Variants in FUT8 observed in about 807,000 individuals in gnomAD.
FUT8 encodes the protein alpha-(1,6)-fucosyltransferase.
Under a neutral mutation model 71.3 loss-of-function variants are expected in FUT8, and 29 were observed. The observed-to-expected ratio is 0.41, with a 90% CI of 0.30 to 0.55. The LOEUF (loss-of-function observed/expected upper bound fraction) is 0.55. Ranked by LOEUF, FUT8 falls within the 20% of genes least tolerant of loss-of-function variation. The pLI, the probability that FUT8 is intolerant of heterozygous loss-of-function variation, is 0.34. For synonymous variants in FUT8, 254 were observed against 239.3 expected (o/e 1.06, Z -0.57); for missense variants, 544 against 702.1 (o/e 0.77, Z 2.55).
At chr14:65,418,568 G>C (rs1431901441) in intron 1 of FUT8, among the ~76,000 whole-genome samples, 5 of 152,200 alleles carry the variant, frequency 3.3e-5, no homozygotes, top group African/African-American at 1.2e-4. Context: ...AAAGTGGACA[G>C]ATATAATTTA....
intron 10 of FUT8, 30 bp from the exon 11 acceptor site, chr14:65,742,063 C>G: frequency 6.3e-7 from 1 of 1,583,030 alleles, no homozygotes; most frequent in Non-Finnish European, 8.6e-7. Flanking sequence ...TGTTTATATA[C>G]TAACAATTTC....
chr14:65,391,900 G>C, the FUT8 span, among the ~76,000 whole-genome samples: 7 of 152,234 alleles, frequency 4.6e-5, no homozygotes, highest in Admixed American at 6.5e-5. Context: ...GGAATTACAG[G>C]TGTGAGACAC....
At chr14:65,450,686 AT>A (rs1436968691) in intron 1 of FUT8, among the ~76,000 whole-genome samples, 1 of 151,892 alleles carries the variant, frequency 6.6e-6, no homozygotes, top group East Asian at 1.9e-4. Context: ...GGTTTTTATT[AT>A]TGCTGATTAC....
At chr14:65,402,170 T>A in the FUT8 span, among the ~76,000 whole-genome samples, 3 of 149,666 alleles carry the variant, frequency 2.0e-5, no homozygotes, top group South Asian at 6.4e-4. Flanking sequence ...GATATGTGAG[T>A]GTAGGAGCCC....
At chr14:65,443,801 TTGAC>T (rs151265704) in intron 1 of FUT8, among the ~76,000 whole-genome samples, 2,038 of 152,156 alleles carry the variant, frequency 0.013, 42 homozygotes, top group East Asian at 0.093. Context: ...TCAGAGTCAT[TTGAC>T]TTAATATTGG....
chr14:65,545,241 A>G (rs928988694), intron 2 of FUT8, among the ~76,000 whole-genome samples: 2 of 152,078 alleles, frequency 1.3e-5, no homozygotes, highest in Non-Finnish European at 2.9e-5. Flanking sequence ...ATTTTAATAA[A>G]TTCTGTAACA....
chr14:65,696,514 T>G (rs993577001), intron 7 of FUT8, among the ~76,000 whole-genome samples: 2 of 152,192 alleles, frequency 1.3e-5, no homozygotes, highest in Non-Finnish European at 2.9e-5. Flanking sequence ...TATGTTATTC[T>G]TAGGTGTAGT....
chr14:65,717,611 A>G (rs1895187563), intron 7 of FUT8, among the ~76,000 whole-genome samples: 1 of 147,710 alleles, frequency 6.8e-6, no homozygotes, highest in African/African-American at 2.5e-5. Context: ...GCGGCCGGGC[A>G]GAGGCGCTCC....
chr14:65,706,357 G>C (rs557992922), intron 7 of FUT8, among the ~76,000 whole-genome samples: 1 of 152,140 alleles, frequency 6.6e-6, no homozygotes, highest in Admixed American at 6.5e-5. Flanking sequence ...TATTTTGCTT[G>C]ATGTGCCTCT....
intron 7 of FUT8, among the ~76,000 whole-genome samples, chr14:65,695,255 A>G (rs1041995661): frequency 3.3e-5 from 5 of 152,182 alleles, no homozygotes; most frequent in African/African-American, 1.2e-4. Flanking sequence ...ATAGACAGGT[A>G]TTGAAGTCTC....
intron 7 of FUT8, among the ~76,000 whole-genome samples, chr14:65,702,191 C>T (rs1182994949): frequency 1.3e-5 from 2 of 151,850 alleles, no homozygotes; most frequent in Non-Finnish European, 2.9e-5. Context: ...ACTAGAAATG[C>T]AAGATTGGCT....
intron 2 of FUT8, among the ~76,000 whole-genome samples, chr14:65,501,544 G>A (rs2139771007): frequency 6.6e-6 from 1 of 152,288 alleles, no homozygotes; most frequent in Middle Eastern, 3.4e-3. Flanking sequence ...AATGCTGACT[G>A]GAAAAAGCAT....
At chr14:65,501,572 T>C (rs1026675270) in intron 2 of FUT8, among the ~76,000 whole-genome samples, 1 of 152,216 alleles carries the variant, frequency 6.6e-6, no homozygotes, top group Non-Finnish European at 1.5e-5. Flanking sequence ...ATTCTCCCTC[T>C]AGTGTCCTTA....
the FUT8 span, among the ~76,000 whole-genome samples, chr14:65,404,159 C>T: frequency 8.0e-5 from 12 of 150,864 alleles, no homozygotes; most frequent in South Asian, 2.1e-4. Context: ...AGCCACTGTG[C>T]GGGGCCAGAT....
chr14:65,547,426 TTTG>T (rs1467647162), intron 2 of FUT8, among the ~76,000 whole-genome samples: 1 of 151,740 alleles, frequency 6.6e-6, no homozygotes, highest in African/African-American at 2.4e-5. Context: ...CCCATAATAC[TTTG>T]TTATTATTTT....
chr14:65,590,909 C>T (rs1284213175), intron 3 of FUT8, among the ~76,000 whole-genome samples: 1 of 152,112 alleles, frequency 6.6e-6, no homozygotes, highest in Non-Finnish European at 1.5e-5. Flanking sequence ...GAATTTTAGA[C>T]ATTTGTCATT....
chr14:65,573,859 G>A (rs1886618058), intron 3 of FUT8, among the ~76,000 whole-genome samples: 1 of 152,028 alleles, frequency 6.6e-6, no homozygotes, highest in Admixed American at 6.6e-5. Flanking sequence ...TATCTTGTCT[G>A]TTAAATGGTA....
At chr14:65,468,996 A>G (rs1333885324) in intron 2 of FUT8, among the ~76,000 whole-genome samples, 4 of 152,036 alleles carry the variant, frequency 2.6e-5, no homozygotes, top group East Asian at 3.9e-4. Flanking sequence ...AGGGTCTCCA[A>G]TGTTGCCCAG....
intron 2 of FUT8, among the ~76,000 whole-genome samples, chr14:65,544,802 T>A (rs538529354): frequency 6.6e-6 from 1 of 152,266 alleles, no homozygotes; most frequent in Admixed American, 6.5e-5. Context: ...TTCATATGTA[T>A]ATACTATGAC....
Sources: allele counts gnomAD v4.1 joint callset (sites outside exome capture counted in the v4.1 genomes callset), GRCh38; gene constraint gnomAD v4.1.1; transcripts MANE v1.5; gene names NCBI Gene and HGNC (gene_info 2026-07-23, HGNC 2026-07-21).